KCNN2: variants seen among roughly 807,000 people sequenced by gnomAD.
The protein encoded by KCNN2 is potassium calcium-activated channel subfamily N member 2.
Under a neutral mutation model 55.5 loss-of-function variants are expected in KCNN2, and 24 were observed. That is an observed-to-expected ratio of 0.43 (90% confidence interval 0.31 to 0.61). The LOEUF (loss-of-function observed/expected upper bound fraction) is 0.61, where lower values mean the gene tolerates loss of function less well. Ranked by LOEUF, KCNN2 falls within the 20% of genes least tolerant of loss-of-function variation. KCNN2 has a pLI of 0.08. For synonymous variants in KCNN2, 431 were observed against 336.1 expected, an observed-to-expected ratio of 1.28 and a Z score of -3.09; for missense variants, 754 against 853.6, an observed-to-expected ratio of 0.88 and a Z score of 1.45.
chr5:114,241,257 C>G (rs558367499), intron 2 of KCNN2, among the ~76,000 whole-genome samples: 2 of 151,948 alleles, frequency 1.3e-5, no homozygotes, highest in East Asian at 3.9e-4. Flanking sequence ...TAATTCCACT[C>G]AGCATTTCAA....
intron 2 of KCNN2, among the ~76,000 whole-genome samples, chr5:114,229,033 G>A (rs142697110): frequency 5.3e-4 from 80 of 152,002 alleles, no homozygotes; most frequent in Middle Eastern, 3.8e-3. Flanking sequence ...TTAAATAATT[G>A]TGTTGATTAA....
chr5:114,391,624 C>T (rs1158154776), intron 2 of KCNN2, among the ~76,000 whole-genome samples: 2 of 152,186 alleles, frequency 1.3e-5, no homozygotes, highest in African/African-American at 2.4e-5. Flanking sequence ...GGTTATTGTA[C>T]TTTAAATTTC....
chr5:114,348,024 G>A (rs938639610), intron 2 of KCNN2, among the ~76,000 whole-genome samples: 3 of 152,120 alleles, frequency 2.0e-5, no homozygotes, highest in African/African-American at 4.8e-5. Flanking sequence ...GCCCATGTAT[G>A]TCTTCTTGAC....
intron 2 of KCNN2, among the ~76,000 whole-genome samples, chr5:114,278,314 C>G (rs1755535449): frequency 6.6e-6 from 1 of 152,050 alleles, no homozygotes. Context: ...CAGGGACCCA[C>G]TTGAGGAAGC....
At chr5:114,079,329 A>G (rs977112066) in intron 1 of KCNN2, among the ~76,000 whole-genome samples, 1 of 152,222 alleles carries the variant, frequency 6.6e-6, no homozygotes, top group Admixed American at 6.5e-5. Context: ...CAACAAATAT[A>G]ATATAGCATT....
At chr5:114,422,244 C>G (rs1374281618) in intron 3 of KCNN2, among the ~76,000 whole-genome samples, 1 of 152,090 alleles carries the variant, frequency 6.6e-6, no homozygotes, top group African/African-American at 2.4e-5. Flanking sequence ...ATGTTGAAAC[C>G]TAATTTCCAG....
chr5:114,455,822 AT>A (rs1760900053), intron 3 of KCNN2, among the ~76,000 whole-genome samples: 1 of 152,198 alleles, frequency 6.6e-6, no homozygotes, highest in African/African-American at 2.4e-5. Flanking sequence ...AAGCTGCAAC[AT>A]TTCCTCAAGC....
rs982079849 is a variant in KCNN2 at position 114,131,979 on chromosome 5, G to T, written c.-271+75479G>T. On this transcript the variant is annotated intron_variant, in intron 1 of 10. Coordinates refer to the KCNN2 transcript ENST00000512097. ...TGCCCACTTTTTAATGGGGTTGTTT[G>T]TTTTTTTCTTGTAAATTTGTCTAAG... is the stretch of plus-strand genomic sequence containing the variant. 5.9e-5 allele frequency among the ~76,000 whole-genome samples: 9 copies of T among 152,040 alleles called. No homozygotes were observed. The East Asian group carries it at 1.7e-3, about 29-fold the overall frequency.
intron 1 of KCNN2, among the ~76,000 whole-genome samples, chr5:114,094,080 T>A (rs534570017): frequency 0.01 from 1,586 of 152,282 alleles, 37 homozygotes; most frequent in African/African-American, 0.036. Context: ...TATTTGTTTG[T>A]TTGGGTTGTT....
chr5:114,058,616 G>C (rs181009311), intron 1 of KCNN2, among the ~76,000 whole-genome samples: 2 of 152,142 alleles, frequency 1.3e-5, no homozygotes, highest in African/African-American at 4.8e-5. Context: ...TTTTGTCAGG[G>C]GGAGGGCTCT....
intron 2 of KCNN2, among the ~76,000 whole-genome samples, chr5:114,247,101 C>T (rs1337733898): frequency 2.0e-5 from 3 of 148,094 alleles, no homozygotes; most frequent in South Asian, 2.1e-4. Flanking sequence ...GTTGGGAGCT[C>T]GAGATCAGCG....
At chr5:114,442,131 A>G (rs982802296) in intron 3 of KCNN2, among the ~76,000 whole-genome samples, 1 of 152,128 alleles carries the variant, frequency 6.6e-6, no homozygotes, top group African/African-American at 2.4e-5. Context: ...GGAACAGGAT[A>G]AACAAAACAG....
Position 114,253,767 on chromosome 5 carries a change from T to C in KCNN2, c.-185+32202T>C, listed in dbSNP as rs183287274. The C allele has an allele frequency of 2.0e-5, 3 of 152,366 alleles. No homozygotes were observed. In the East Asian group the frequency reaches 5.8e-4, roughly 29 times the overall value. 9.4% of individuals were successfully genotyped at this position (152,366 alleles called of 1,614,324 possible). On this transcript the variant is annotated intron_variant, in intron 2 of 10. Transcript: ENST00000512097. The stretch of plus-strand genomic sequence containing the variant: ...TTTACATTATTGTCTCTTCTCATTG[T>C]ATTTGTTCCATTTCTACCTTTTTTA...
chr5:114,293,713 C>A (rs1005067371), intron 2 of KCNN2, among the ~76,000 whole-genome samples: 27 of 152,202 alleles, frequency 1.8e-4, no homozygotes, highest in Non-Finnish European at 2.9e-4. Context: ...TCATAAAATG[C>A]GTTAGGGAGG....
chr5:114,333,325 G>C lies in KCNN2; in HGVS notation c.-184-27620G>C, dbSNP rs556255404. 4.6e-5 allele frequency among the ~76,000 whole-genome samples: 7 copies of C among 152,162 alleles called. No individual in the cohort carries two copies. In the South Asian group the frequency reaches 1.5e-3, roughly 32 times the overall value. ...ACAAATGAGTTTTCTTTATCCTTTT[G>C]CTTGTTTATATCTGACTTATGTTCT... On this transcript the variant is annotated intron_variant, in intron 2 of 10. Coordinates refer to the KCNN2 transcript ENST00000512097.
intron 1 of KCNN2, among the ~76,000 whole-genome samples, chr5:114,096,990 G>A (rs1751270646): frequency 7.6e-6 from 1 of 131,856 alleles, no homozygotes; most frequent in Non-Finnish European, 1.7e-5. Flanking sequence ...CCAGGTAACT[G>A]GCCCAGGGTT....
At chr5:114,160,831 G>A (rs1416277023) in intron 1 of KCNN2, among the ~76,000 whole-genome samples, 8 of 152,074 alleles carry the variant, frequency 5.3e-5, no homozygotes, top group Non-Finnish European at 7.4e-5. Flanking sequence ...TGCAACCCCT[G>A]CCTTTTTTTG....
At chr5:114,187,960 A>C (rs1753373843) in intron 1 of KCNN2, among the ~76,000 whole-genome samples, 1 of 151,532 alleles carries the variant, frequency 6.6e-6, no homozygotes, top group Admixed American at 6.6e-5. Flanking sequence ...GATTACAGGT[A>C]CTCACCACCA....
At chr5:114,338,637 A>G (rs1285275116) in intron 2 of KCNN2, among the ~76,000 whole-genome samples, 3 of 152,246 alleles carry the variant, frequency 2.0e-5, no homozygotes, top group African/African-American at 7.2e-5. Flanking sequence ...TAGATACCAG[A>G]ATCAGCCCAC....
Sources: gnomAD v4.1 joint callset for allele counts (sites outside exome capture counted in the v4.1 genomes callset) on GRCh38, gnomAD v4.1.1 for gene constraint, MANE v1.5 for transcripts, NCBI Gene and HGNC (gene_info 2026-07-23, HGNC 2026-07-21) for gene names.